Variants in CBX5 observed in about 807,000 individuals in gnomAD.
CBX5 encodes chromobox 5, also known as chromobox protein homolog 5.
Under a neutral mutation model 20.7 loss-of-function variants are expected in CBX5, and 7 were observed. The observed-to-expected ratio is 0.34, with a 90% CI of 0.19 to 0.63. The LOEUF is 0.63. Ranked by LOEUF, CBX5 falls within the 30% of genes least tolerant of loss-of-function variation. CBX5 has a pLI of 0.75. For missense variants in CBX5, 110 were observed against 224.1 expected (o/e 0.49, Z 3.25); for synonymous variants, 78 against 77.0 (o/e 1.01, Z -0.07).
intron 4 of CBX5, among the ~76,000 whole-genome samples, chr12:54,243,129 AAATAAAT>A (rs1035105483): frequency 2.0e-5 from 3 of 152,128 alleles, no homozygotes; most frequent in African/African-American, 7.2e-5. Context: ...GTCTCAAAAT[AAATAAAT>A]AATAAAAAAC....
At chr12:54,250,304 A>G (rs917620399) in intron 3 of CBX5, among the ~76,000 whole-genome samples, 7 of 151,894 alleles carry the variant, frequency 4.6e-5, no homozygotes, top group African/African-American at 1.7e-4. Context: ...CCAACTACTC[A>G]GAAGGCTGAA....
At chr12:54,255,700 CA>C (rs1415693965) in intron 2 of CBX5, 2 of 152,054 alleles carry the variant, frequency 1.3e-5, no homozygotes, top group African/African-American at 4.8e-5. Flanking sequence ...TACTAATGCT[CA>C]AAATGGGAGT....
chr12:54,255,160 T>A (rs1216408798), intron 2 of CBX5, among the ~76,000 whole-genome samples: 2 of 152,076 alleles, frequency 1.3e-5, no homozygotes, highest in African/African-American at 4.8e-5. Context: ...GGAATAGTGA[T>A]TCACACCTAT....
intron 2 of CBX5, 194 bp from the exon 3 acceptor site, chr12:54,252,421 A>G: frequency 2.1e-6 from 1 of 468,858 alleles, no homozygotes. Flanking sequence ...CCACACAAAG[A>G]CTTATTTACA....
intron 1 of CBX5, among the ~76,000 whole-genome samples, chr12:54,270,394 G>A (rs1252199584): frequency 1.3e-5 from 2 of 152,012 alleles, no homozygotes; most frequent in African/African-American, 2.4e-5. Context: ...TCCCACCTCA[G>A]CCTCCCAACT....
intron 1 of CBX5, among the ~76,000 whole-genome samples, chr12:54,277,712 A>T (rs1178900504): frequency 6.6e-6 from 1 of 152,246 alleles, no homozygotes; most frequent in Non-Finnish European, 1.5e-5. Context: ...TAAGGAGATA[A>T]CATCAGGATT....
Position 54,238,243 on chromosome 12 carries a change from G to A in CBX5, c.*3512C>T, listed in dbSNP as rs1467410746. ...GTCTGCATTAGGATCAAGACAAGAA[G>A]AAGACAGACAATCACTTTGGAATTC... On this transcript the variant is annotated 3_prime_UTR_variant, in exon 5 of 5. Transcript: ENST00000209875. 6.6e-6 allele frequency: 1 copy of A among 152,110 alleles called. No individual in the cohort carries two copies. The highest frequency in any genetic ancestry group is 2.4e-5 in the African/African-American group (1 of 41,400). The allele number at this position is 152,110 out of a possible 1,614,324, so 9.4% of individuals were successfully genotyped here.
chr12:54,256,921 T>C (rs1028299872), intron 2 of CBX5, among the ~76,000 whole-genome samples: 3 of 152,108 alleles, frequency 2.0e-5, no homozygotes, highest in Admixed American at 6.6e-5. Flanking sequence ...TGGAGTGCAG[T>C]GGCGCAATCT....
At chr12:54,258,649 C>G (rs757996559) in intron 1 of CBX5, among the ~76,000 whole-genome samples, 3 of 152,240 alleles carry the variant, frequency 2.0e-5, no homozygotes, top group Non-Finnish European at 4.4e-5. Flanking sequence ...GGGTACTCAA[C>G]AGAGAATCTA....
Position 54,232,536 on chromosome 12 carries a change from C to T in CBX5, c.*9219G>A, listed in dbSNP as rs1476348242. 1 of 152,148 alleles carries T rather than the reference C, an allele frequency of 6.6e-6. No homozygotes were observed. Among genetic ancestry groups the T allele is most frequent in the Non-Finnish European group, 1.5e-5 (1 of 68,046 alleles). 9.4% of individuals were successfully genotyped at this position (152,148 alleles called of 1,614,324 possible). On this transcript the variant is annotated 3_prime_UTR_variant, in exon 5 of 5. Coordinates refer to ENST00000209875, the MANE Select transcript of CBX5 (RefSeq NM_012117.3). ...TTGCCCAAGGTCAACCATTATCAAT[C>T]AGTTGAGGAGGTGGGCACACAGAGT...
At chr12:54,249,370 A>G (rs1323354005) in intron 3 of CBX5, among the ~76,000 whole-genome samples, 1 of 151,840 alleles carries the variant, frequency 6.6e-6, no homozygotes, top group Non-Finnish European at 1.5e-5. Context: ...GTCTCAAAAA[A>G]AAAAGAAAAA....
intron 1 of CBX5, among the ~76,000 whole-genome samples, chr12:54,260,047 A>T (rs1943900942): frequency 6.6e-6 from 1 of 152,014 alleles, no homozygotes; most frequent in African/African-American, 2.4e-5. Flanking sequence ...GAGGGGAAAA[A>T]TAACAGGAAA....
intron 2 of CBX5, chr12:54,252,461 A>G (rs971747950): frequency 2.3e-5 from 9 of 398,918 alleles, no homozygotes; most frequent in Non-Finnish European, 3.9e-5. Context: ...TAATAGCCAA[A>G]AACAGAAAAC....
At chr12:54,276,652 A>G (rs1433724881) in intron 1 of CBX5, 1 of 152,238 alleles carries the variant, frequency 6.6e-6, no homozygotes, top group Non-Finnish European at 1.5e-5. Flanking sequence ...TATTCTTCAG[A>G]TCAGCAGTCT....
chr12:54,249,988 C>T (rs991832290), intron 3 of CBX5, among the ~76,000 whole-genome samples: 1 of 152,084 alleles, frequency 6.6e-6, no homozygotes, highest in Non-Finnish European at 1.5e-5. Context: ...TTTGGGAGGC[C>T]AAGGCAGGTG....
intron 2 of CBX5, chr12:54,252,638 A>C (rs1339069996): frequency 6.1e-6 from 1 of 162,730 alleles, no homozygotes; most frequent in Non-Finnish European, 1.3e-5. Flanking sequence ...ACAAGATACT[A>C]CATACTAATT....
rs534596646 is a variant in CBX5 at position 54,242,471 on chromosome 12, G to A, written c.426-566C>T. On this transcript the variant is annotated intron_variant, in intron 4 of 4. Transcript: ENST00000209875. ...ACCCGGGAGGCGGAGCTTGCAGTGA[G>A]CTGAGATCGCGCCACTGCACTCTAG... 3.4e-5 allele frequency among the ~76,000 whole-genome samples: 5 copies of A among 146,018 alleles called. No homozygotes were observed. In the East Asian group the frequency reaches 6.1e-4, roughly 18 times the overall value.
At chr12:54,265,247 T>A (rs1246279961) in intron 1 of CBX5, among the ~76,000 whole-genome samples, 1 of 152,212 alleles carries the variant, frequency 6.6e-6, no homozygotes, top group African/African-American at 2.4e-5. Context: ...ATAAAACAGA[T>A]GAAAATAAAC....
intron 1 of CBX5, chr12:54,272,981 C>G (rs1054261644): frequency 6.6e-6 from 1 of 152,152 alleles, no homozygotes; most frequent in African/African-American, 2.4e-5. Flanking sequence ...TCACTTGCCT[C>G]TGTTTCTTTA....
Sources: gnomAD v4.1 joint callset for allele counts (sites outside exome capture counted in the v4.1 genomes callset) on GRCh38, gnomAD v4.1.1 for gene constraint, MANE v1.5 for transcripts, NCBI Gene and HGNC (gene_info 2026-07-23, HGNC 2026-07-21) for gene names.